PPIG: variants seen among roughly 807,000 people sequenced by gnomAD.
The protein encoded by PPIG is peptidyl-prolyl cis-trans isomerase G.
In PPIG, 26 loss-of-function variants were observed where a neutral mutation model predicts 87.9. That is an observed-to-expected ratio of 0.30 (90% confidence interval 0.22 to 0.41). PPIG has a LOEUF of 0.41. Ranked by LOEUF, PPIG falls within the 10% of genes least tolerant of loss-of-function variation. The pLI is 1.00. For synonymous variants in PPIG, 308 were observed against 276.5 expected, an observed-to-expected ratio of 1.11 and a Z score of -1.13; for missense variants, 722 against 879.4, an observed-to-expected ratio of 0.82 and a Z score of 2.26.
intron 1 of PPIG, among the ~76,000 whole-genome samples, chr2:169,585,630 G>A (rs1361556488): frequency 6.6e-6 from 1 of 152,188 alleles, no homozygotes; most frequent in African/African-American, 2.4e-5. Context: ...TTTTGGAAAT[G>A]CTATAAAAGC....
At chr2:169,608,798 T>G in intron 7 of PPIG, 40 bp downstream of exon 7, 2 of 1,469,490 alleles carry the variant, frequency 1.4e-6, no homozygotes, top group Non-Finnish European at 1.9e-6. Context: ...CATCCCATTT[T>G]TGGGCCGGGC....
chr2:169,629,688 C>T (rs1685985813), intron 9 of PPIG, among the ~76,000 whole-genome samples: 1 of 152,186 alleles, frequency 6.6e-6, no homozygotes, highest in African/African-American at 2.4e-5. Context: ...ACAGGAGTCA[C>T]ACAGGACAAG....
At chr2:169,607,079 A>G (rs775782149) in intron 5 of PPIG, 25 bp from the exon 6 acceptor site, 9 of 1,496,452 alleles carry the variant, frequency 6.0e-6, no homozygotes, top group Admixed American at 3.5e-5. Flanking sequence ...ACTGAGAGTT[A>G]TAAGAGTATG....
intron 7 of PPIG, among the ~76,000 whole-genome samples, chr2:169,610,864 T>G (rs1445025431): frequency 6.6e-6 from 1 of 152,250 alleles, no homozygotes; most frequent in Non-Finnish European, 1.5e-5. Flanking sequence ...TACCATAGTT[T>G]ATTCAACCAA....
chr2:169,612,477 G>T (rs987908853), intron 7 of PPIG, among the ~76,000 whole-genome samples: 1 of 147,692 alleles, frequency 6.8e-6, no homozygotes, highest in Non-Finnish European at 1.5e-5. Context: ...TCCACCTCCC[G>T]GGTTCACGCC....
chr2:169,604,282 G>A (rs752333023), intron 4 of PPIG, 21 bp downstream of exon 4: 6 of 1,534,750 alleles, frequency 3.9e-6, no homozygotes, highest in African/African-American at 1.4e-5. Flanking sequence ...ATTTTCAACT[G>A]CCCTAATAGT....
At position 169,630,791 on chromosome 2, in the gene PPIG, A is replaced by C. The variant is rs1002294715; in HGVS notation, c.565A>C (p.Lys189Gln). ...TATTAAAGTTAAGAAAGAAGAAAAG[A>C]AAAGGCATAAATCATCATCATCTTC... ...PKSKVKKEEK[K>Q]RHKSSSSSSS... Residue 189 changes from lysine (K) to glutamine (Q), a missense_variant, in exon 10 of 14, where the codon AAA (lysine) becomes CAA (glutamine). This residue lies in a region of PPIG where 142 missense variants were observed against 152.8 expected (regional missense o/e 0.93). Transcript: ENST00000260970. 8 of 1,596,072 alleles carry C rather than the reference A, an allele frequency of 5.0e-6. No individual in the cohort carries two copies. The Admixed American group carries it at 5.5e-5, about 11-fold the overall frequency.
intron 1 of PPIG, among the ~76,000 whole-genome samples, chr2:169,602,267 A>G (rs1213750737): frequency 5.3e-5 from 8 of 152,148 alleles, no homozygotes; most frequent in African/African-American, 1.9e-4. Context: ...ATTTCCTATA[A>G]AGGATATTCA....
chr2:169,595,162 A>T (rs1295852481), intron 1 of PPIG, among the ~76,000 whole-genome samples: 1 of 152,070 alleles, frequency 6.6e-6, no homozygotes, highest in African/African-American at 2.4e-5. Context: ...TCTTGACCTC[A>T]GGTGGTCCAC....
At chr2:169,590,459 T>C (rs1262380523) in intron 1 of PPIG, among the ~76,000 whole-genome samples, 75 of 152,036 alleles carry the variant, frequency 4.9e-4, no homozygotes, top group Non-Finnish European at 1.5e-5. Flanking sequence ...GCTAACACGG[T>C]GAAACCCCAT....
chr2:169,605,693 G>A (rs1685306899), intron 4 of PPIG, among the ~76,000 whole-genome samples: 3 of 151,968 alleles, frequency 2.0e-5, no homozygotes, highest in African/African-American at 7.2e-5. Context: ...CAGCCACTCA[G>A]GAGGCTGAGG....
intron 11 of PPIG, among the ~76,000 whole-genome samples, chr2:169,632,610 G>T (rs1422512996): frequency 6.6e-6 from 1 of 151,716 alleles, no homozygotes; most frequent in African/African-American, 2.4e-5. Context: ...GTGTGGTGGC[G>T]GGTGCCTGTA....
In PPIG at chr2:169,619,888, G is replaced by A. The variant is rs373545131; in HGVS notation, c.547+5164G>A. ...TGGCCATTTGTATGTCTTCGTTTGAGAAATATCTCTTCAGATTCTTTTCCC... is the reference window on the plus strand; with the variant it reads ...TGGCCATTTGTATGTCTTCGTTTGAAAAATATCTCTTCAGATTCTTTTCCC... On this transcript the variant is annotated intron_variant, in intron 9 of 13. Transcript: ENST00000260970. Among the ~76,000 whole-genome samples, 20 of 152,174 alleles carry A rather than the reference G, an allele frequency of 1.3e-4. No individual in the cohort carries two copies. The South Asian group carries it at 4.1e-3, about 32-fold the overall frequency.
In PPIG at chr2:169,593,896, C is replaced by G. The variant is rs556494631; in HGVS notation, c.-70+9406C>G. Among the ~76,000 whole-genome samples, 61 of 150,786 alleles carry G rather than the reference C, an allele frequency of 4.0e-4. No homozygotes were observed. In the South Asian group the frequency reaches 0.012, roughly 31 times the overall value. ...GATCTCGATCTCCTGACCTTGTGAT[C>G]TGCCTGCCTCGGGCTCCCAAAGTGC... is the stretch of plus-strand genomic sequence containing the variant. On this transcript the variant is annotated intron_variant, in intron 1 of 13. Coordinates refer to ENST00000260970, the MANE Select transcript of PPIG (RefSeq NM_004792.3).
At chr2:169,605,377 C>T (rs1366560036) in intron 4 of PPIG, among the ~76,000 whole-genome samples, 1 of 151,974 alleles carries the variant, frequency 6.6e-6, no homozygotes, top group Non-Finnish European at 1.5e-5. Context: ...GTGGTGTGTG[C>T]CTGTAGTCCC....
At chr2:169,620,476 GTTT>G (rs1241487756) in intron 9 of PPIG, among the ~76,000 whole-genome samples, 2 of 151,794 alleles carry the variant, frequency 1.3e-5, no homozygotes, top group African/African-American at 4.8e-5. Context: ...CTTCCACTGA[GTTT>G]TTGTTGTTGT....
In PPIG at chr2:169,637,880, G is replaced by T; in HGVS notation, c.*357G>T. 6.2e-6 allele frequency: 1 copy of T among 160,538 alleles called. No individual in the cohort carries two copies. Among genetic ancestry groups the T allele is most frequent in the Non-Finnish European group, 1.4e-5 (1 of 73,640 alleles). The allele number at this position is 160,538 out of a possible 1,614,324, so 9.9% of individuals were successfully genotyped here. On this transcript the variant is annotated 3_prime_UTR_variant, in exon 14 of 14. Transcript: ENST00000260970. ...GCAATGCATTGTTGCAAAAGCTTGT[G>T]TTTCTCATGATTAAAGTAACTTTAG...
intron 1 of PPIG, among the ~76,000 whole-genome samples, chr2:169,587,596 T>G (rs1408327313): frequency 6.6e-6 from 1 of 152,198 alleles, no homozygotes. Context: ...TAAGTGTCGG[T>G]GATTTTCCCT....
chr2:169,606,073 A>G lies in PPIG; in HGVS notation c.171A>G (p.Pro57=). The G allele has an allele frequency of 1.2e-6, 2 of 1,613,218 alleles. No individual in the cohort carries two copies. The highest frequency in any genetic ancestry group is 1.7e-6 in the Non-Finnish European group (2 of 1,179,230). The change falls in exon 5 of 14, where the codon CCA becomes CCG. Residue 57 remains proline, a synonymous_variant. Transcript: ENST00000260970. ...GGACCGGGAAATCAACTCAGAAACC[A>G]TTACATTATAAGAGTTGTCTCTTTC... is the stretch of plus-strand genomic sequence containing the variant. ...EKGTGKSTQK[P]LHYKSCLFHR... is the part of the protein sequence containing the mutation.
Sources: gnomAD v4.1 joint callset for allele counts (sites outside exome capture counted in the v4.1 genomes callset) on GRCh38, gnomAD v4.1.1 for gene constraint, gnomAD v4.1.1 regional missense constraint, MANE v1.5 for transcripts, NCBI Gene and HGNC (gene_info 2026-07-23, HGNC 2026-07-21) for gene names.